Variants in LOC400499 observed in about 807,000 individuals in gnomAD.
At chr16:11,445,533 GAGT>G in the LOC400499 span, among the ~76,000 whole-genome samples, 2 of 152,188 alleles carry the variant, frequency 1.3e-5, no homozygotes, top group Non-Finnish European at 2.9e-5. Flanking sequence ...CCTAAAAGAT[GAGT>G]AGAAGGGAGG....
At chr16:11,457,100 T>C in the LOC400499 span, 2 of 1,450,178 alleles carry the variant, frequency 1.4e-6, no homozygotes, top group Non-Finnish European at 1.8e-6. Flanking sequence ...GCGTAGAATG[T>C]GCCCGGGAAG....
At chr16:11,466,709 A>T in the LOC400499 span, among the ~76,000 whole-genome samples, 1,190 of 152,174 alleles carry the variant, frequency 7.8e-3, 16 homozygotes, top group African/African-American at 0.027. Flanking sequence ...TTCTATAAAC[A>T]TGTGTGCCAC....
At chr16:11,384,191 A>G in the LOC400499 span, 2 of 1,223,212 alleles carry the variant, frequency 1.6e-6, no homozygotes, top group African/African-American at 3.1e-5. Context: ...AGCTGGAAGC[A>G]GGACAGGCAG....
At chr16:11,402,817 T>C in the LOC400499 span, among the ~76,000 whole-genome samples, 23 of 152,092 alleles carry the variant, frequency 1.5e-4, no homozygotes, top group Non-Finnish European at 2.6e-4. Context: ...TTCGGAATAC[T>C]TTGTTACCAT....
the LOC400499 span, among the ~76,000 whole-genome samples, chr16:11,441,695 G>A: frequency 6.6e-6 from 1 of 152,200 alleles, no homozygotes; most frequent in Non-Finnish European, 1.5e-5. Context: ...GAGGGTCAGA[G>A]TCACACAGAG....
At chr16:11,388,287 G>A in the LOC400499 span, among the ~76,000 whole-genome samples, 7 of 152,264 alleles carry the variant, frequency 4.6e-5, no homozygotes, top group African/African-American at 9.6e-5. Flanking sequence ...GCCAAACCCC[G>A]CCCTGGGAGC....
the LOC400499 span, among the ~76,000 whole-genome samples, chr16:11,449,464 C>T: frequency 3.3e-5 from 5 of 152,168 alleles, no homozygotes; most frequent in Admixed American, 6.5e-5. Flanking sequence ...CCTGCACCAT[C>T]ACCATGGTCT....
At chr16:11,378,464 A>G in the LOC400499 span, among the ~76,000 whole-genome samples, 4 of 152,112 alleles carry the variant, frequency 2.6e-5, no homozygotes, top group Non-Finnish European at 5.9e-5. Flanking sequence ...GGGTTTTGCC[A>G]TGTTTGCCAA....
At chr16:11,395,903 G>A in the LOC400499 span, among the ~76,000 whole-genome samples, 1 of 152,130 alleles carries the variant, frequency 6.6e-6, no homozygotes, top group African/African-American at 2.4e-5. Context: ...CTACAGATGA[G>A]GAAACACATG....
chr16:11,419,448 T>G, the LOC400499 span, among the ~76,000 whole-genome samples: 7 of 151,096 alleles, frequency 4.6e-5, no homozygotes, highest in African/African-American at 9.8e-5. Flanking sequence ...CAAAAATTAA[T>G]TCAAGATGGA....
chr16:11,383,717 C>G, the LOC400499 span: 1 of 1,232,426 alleles, frequency 8.1e-7, no homozygotes, highest in Non-Finnish European at 1.0e-6. Flanking sequence ...AGGTTGCAGG[C>G]AGGCTGGAGC....
the LOC400499 span, among the ~76,000 whole-genome samples, chr16:11,511,565 G>T: frequency 6.6e-6 from 1 of 152,152 alleles, no homozygotes; most frequent in Admixed American, 6.5e-5. Context: ...CTTAAACACC[G>T]TGCTGAGTGA....
At chr16:11,416,772 A>G in the LOC400499 span, among the ~76,000 whole-genome samples, 21,512 of 152,054 alleles carry the variant, frequency 0.14, 1,897 homozygotes, top group African/African-American at 0.26. Flanking sequence ...TGGGAGAGAC[A>G]CATTCCAGGC....
At chr16:11,383,527 C>G in the LOC400499 span, 6 of 1,120,632 alleles carry the variant, frequency 5.4e-6, no homozygotes, top group African/African-American at 1.6e-5. Flanking sequence ...TGACTCTTAG[C>G]TCCTTGAATG....
the LOC400499 span, among the ~76,000 whole-genome samples, chr16:11,459,188 ATTTTTTT>A: frequency 4.1e-3 from 487 of 119,874 alleles, 3 homozygotes; most frequent in African/African-American, 0.014. Context: ...TCCTAAACCA[ATTTTTTT>A]TTTTTTTTTT....
the LOC400499 span, among the ~76,000 whole-genome samples, chr16:11,482,413 T>G: frequency 6.6e-6 from 1 of 152,202 alleles, no homozygotes; most frequent in Non-Finnish European, 1.5e-5. Flanking sequence ...AGAATCTCTG[T>G]AACATCCCAT....
At chr16:11,401,800 G>A in the LOC400499 span, among the ~76,000 whole-genome samples, 1 of 152,218 alleles carries the variant, frequency 6.6e-6, no homozygotes, top group African/African-American at 2.4e-5. Flanking sequence ...ACCTATCACG[G>A]GGTAAGCATT....
At chr16:11,379,371 A>G in the LOC400499 span, among the ~76,000 whole-genome samples, 4 of 152,244 alleles carry the variant, frequency 2.6e-5, no homozygotes, top group African/African-American at 9.6e-5. Context: ...ATGTACATTT[A>G]TAACTGTTAC....
the LOC400499 span, among the ~76,000 whole-genome samples, chr16:11,433,400 G>T: frequency 6.6e-6 from 1 of 152,108 alleles, no homozygotes; most frequent in Non-Finnish European, 1.5e-5. Context: ...AACAAACATG[G>T]GATTGCAGAG....
Sources: gnomAD v4.1 joint callset for allele counts (sites outside exome capture counted in the v4.1 genomes callset) on GRCh38, gnomAD v4.1.1 for gene constraint, MANE v1.5 for transcripts.